The following SNRPG variants were observed in gnomAD, a reference collection of about 807,000 sequenced individuals.
SNRPG encodes small nuclear ribonucleoprotein G.
Under a neutral mutation model 13.9 loss-of-function variants are expected in SNRPG, and 3 were observed. The observed-to-expected ratio is 0.22, with a 90% CI of 0.10 to 0.56. The LOEUF (loss-of-function observed/expected upper bound fraction) is 0.56, where lower values mean the gene tolerates loss of function less well. Among genes scored for constraint, SNRPG ranks in the 20% least tolerant of loss-of-function variants. The pLI is 0.93. For synonymous variants in SNRPG, 29 were observed against 29.3 expected (o/e 0.99, Z 0.03); for missense variants, 34 against 96.1 (o/e 0.35, Z 2.70).
rs997947487 is a variant in SNRPG at position 70,281,556 on chromosome 2, C to T, written c.*78G>A. The T allele has an allele frequency of 6.5e-5, 49 of 750,446 alleles. No homozygotes were observed. Among genetic ancestry groups the T allele is most frequent in the Non-Finnish European group, 9.6e-5 (44 of 460,328 alleles). 46.5% of individuals were successfully genotyped at this position (750,446 alleles called of 1,614,324 possible). A position where few individuals can be genotyped will look rare whatever the true frequency, so the allele number is the denominator to read the frequency against. On this transcript the variant is annotated 3_prime_UTR_variant, in exon 4 of 4. Coordinates refer to ENST00000272348, the MANE Select transcript of SNRPG (RefSeq NM_003096.4). Reference sequence around the variant, plus strand: ...ACAAAAAGTCTAATATGAAAATGTACATGACCTAATTTTTACATCATAGTA... The same window carrying T: ...ACAAAAAGTCTAATATGAAAATGTATATGACCTAATTTTTACATCATAGTA...
At chr2:70,287,275 A>G (rs1327696889) in intron 3 of SNRPG, 2 of 701,822 alleles carry the variant, frequency 2.8e-6, no homozygotes, top group Non-Finnish European at 5.2e-6. Context: ...CACTCCTTGG[A>G]GGTCTTTATG....
chr2:70,283,270 GATC>G (rs1696859997), intron 3 of SNRPG, among the ~76,000 whole-genome samples: 1 of 151,974 alleles, frequency 6.6e-6, no homozygotes, highest in East Asian at 1.9e-4. Context: ...ATAGACTGGA[GATC>G]ATCATAATCG....
chr2:70,283,125 C>CAAACAAAAAAAAAA (rs1176330727), intron 3 of SNRPG, among the ~76,000 whole-genome samples: 3 of 53,202 alleles, frequency 5.6e-5, no homozygotes, highest in African/African-American at 1.9e-4. Flanking sequence ...AAAAAAAAAA[C>CAAACAAAAAAAAAA]AACAAACCAA....
At position 70,293,696 on chromosome 2, in the gene SNRPG, G is replaced by A. The variant is rs373447773; in HGVS notation, c.-47C>T. On this transcript the variant is annotated 5_prime_UTR_variant, in exon 1 of 4. Coordinates refer to ENST00000272348, the MANE Select transcript of SNRPG (RefSeq NM_003096.4). ...CAGATGCCTTGGAACGCAACGCACG[G>A]CTTTCCTCACGCTCCCGCTGTAGGC... 8.9e-5 allele frequency: 142 copies of A among 1,591,088 alleles called. No individual in the cohort carries two copies. Among genetic ancestry groups the A allele is most frequent in the African/African-American group, 3.4e-4 (25 of 74,600 alleles).
At chr2:70,287,857 T>A in intron 3 of SNRPG, 2 of 574,064 alleles carry the variant, frequency 3.5e-6, no homozygotes, top group Non-Finnish European at 6.2e-6. Context: ...TTTCAAGCGC[T>A]AGGACCTTAG....
chr2:70,283,515 G>A (rs919920127), intron 3 of SNRPG, among the ~76,000 whole-genome samples: 12 of 152,088 alleles, frequency 7.9e-5, no homozygotes, highest in Middle Eastern at 3.2e-3. Flanking sequence ...TTACACATAC[G>A]CTATGATTTA....
intron 3 of SNRPG, chr2:70,287,311 G>A (rs538882125): frequency 4.3e-6 from 3 of 702,728 alleles, no homozygotes; most frequent in South Asian, 3.0e-5. Context: ...AAAGTAAGTT[G>A]TCCTTTTTGG....
intron 3 of SNRPG, chr2:70,287,319 T>C: frequency 1.4e-6 from 1 of 702,928 alleles, no homozygotes; most frequent in East Asian, 2.7e-5. Flanking sequence ...TTGTCCTTTT[T>C]GGTTCACCTT....
At position 70,288,059 on chromosome 2, in the gene SNRPG, T is replaced by C; in HGVS notation, c.180+9A>G. 6.2e-7 allele frequency: 1 copy of C among 1,610,964 alleles called. No homozygotes were observed. Among genetic ancestry groups the C allele is most frequent in the Non-Finnish European group, 8.5e-7 (1 of 1,178,888 alleles). ...AAATCTCCAAGAGAACTCTTGTATCTTTACTTACCACCATTCCAATATTGT... is the reference window on the plus strand; with the variant it reads ...AAATCTCCAAGAGAACTCTTGTATCCTTACTTACCACCATTCCAATATTGT... On this transcript the variant is annotated intron_variant, in intron 3 of 3. Transcript: ENST00000272348.
chr2:70,289,027 T>C (rs1697012563), intron 2 of SNRPG, among the ~76,000 whole-genome samples: 1 of 152,168 alleles, frequency 6.6e-6, no homozygotes, highest in Non-Finnish European at 1.5e-5. Flanking sequence ...CTTGGCTCAC[T>C]GCAAACTCCG....
At chr2:70,291,620 G>A (rs958905743) in intron 1 of SNRPG, among the ~76,000 whole-genome samples, 6 of 152,210 alleles carry the variant, frequency 3.9e-5, no homozygotes, top group African/African-American at 1.4e-4. Context: ...AGGGCATAAT[G>A]GTGTAAAAGA....
At chr2:70,283,797 G>A (rs1268544296) in intron 3 of SNRPG, among the ~76,000 whole-genome samples, 12 of 152,168 alleles carry the variant, frequency 7.9e-5, no homozygotes, top group Non-Finnish European at 1.6e-4. Context: ...GGTGGCTCAC[G>A]CCTATAATCT....
At chr2:70,293,504 G>C (rs1051792995) in intron 1 of SNRPG, 114 bp downstream of exon 1, 1 of 967,376 alleles carries the variant, frequency 1.0e-6, no homozygotes, top group Non-Finnish European at 1.7e-6. Flanking sequence ...ACCTCGGACC[G>C]GAAGAAGAAA....
At chr2:70,288,586 T>C (rs1171116774) in intron 2 of SNRPG, among the ~76,000 whole-genome samples, 1 of 152,158 alleles carries the variant, frequency 6.6e-6, no homozygotes, top group African/African-American at 2.4e-5. Flanking sequence ...TTCATGGTTA[T>C]ACAGCTACTG....
intron 2 of SNRPG, among the ~76,000 whole-genome samples, 159 bp downstream of exon 2, chr2:70,289,191 G>A (rs1697016440): frequency 6.6e-6 from 1 of 152,060 alleles, no homozygotes; most frequent in Non-Finnish European, 1.5e-5. Flanking sequence ...CTGATCTCAC[G>A]ATCCGCCTGC....
chr2:70,293,073 T>C (rs1678308261), intron 1 of SNRPG: 1 of 700,650 alleles, frequency 1.4e-6, no homozygotes, highest in Admixed American at 2.0e-5. Context: ...CAGAGCAAGA[T>C]AACACATGAC....
intron 3 of SNRPG, chr2:70,287,381 A>G: frequency 1.4e-6 from 1 of 695,562 alleles, no homozygotes; most frequent in Non-Finnish European, 2.6e-6. Context: ...CCTGTGTTAG[A>G]CAAAGAGGGA....
intron 1 of SNRPG, among the ~76,000 whole-genome samples, chr2:70,291,650 G>C (rs1697100204): frequency 6.6e-6 from 1 of 152,130 alleles, no homozygotes; most frequent in African/African-American, 2.4e-5. Flanking sequence ...CTGTGAGAAA[G>C]CAGAGGAAGA....
At chr2:70,283,604 G>GCA (rs576330934) in intron 3 of SNRPG, among the ~76,000 whole-genome samples, 3 of 152,138 alleles carry the variant, frequency 2.0e-5, no homozygotes, top group Non-Finnish European at 4.4e-5. Context: ...ATAGTAGCAG[G>GCA]CACACAGAGG....
Sources: gnomAD v4.1 joint callset for allele counts (sites outside exome capture counted in the v4.1 genomes callset) on GRCh38, gnomAD v4.1.1 for gene constraint, MANE v1.5 for transcripts, NCBI Gene and HGNC (gene_info 2026-07-23, HGNC 2026-07-21) for gene names.